Variants in GDA observed in about 807,000 individuals in gnomAD.
GDA encodes cytoplasmic PSD-95 interactor.
GDA carries 18 observed loss-of-function variants against 59.6 expected under a neutral mutation model. The ratio of observed to expected loss-of-function variants is 0.30; its 90% CI spans 0.21 to 0.45. The LOEUF is 0.45. GDA is among the 20% of genes least tolerant of loss of function. The probability of loss-of-function intolerance (pLI) is 1.00; values close to 1 mark genes in which losing one functional copy is unlikely to be tolerated. For missense variants in GDA, 427 were observed against 552.3 expected, an observed-to-expected ratio of 0.77 and a Z score of 2.27; for synonymous variants, 201 against 201.1, an observed-to-expected ratio of 1.00 and a Z score of 0.00.
rs1313640644 is a variant in GDA at position 72,248,648 on chromosome 9, G to A, written c.*306G>A. On this transcript the variant is annotated 3_prime_UTR_variant, in exon 14 of 14. Transcript: ENST00000358399. ...GTTCCTACGGTAAGACTTAAGCAAA[G>A]CCTTTTTCATATTTGAAAATGTGGA... 2.8e-6 allele frequency: 3 copies of A among 1,076,440 alleles called. No homozygotes were observed. In the African/African-American group the frequency reaches 5.0e-5, roughly 18 times the overall value. 66.7% of individuals were successfully genotyped at this position (1,076,440 alleles called of 1,614,324 possible). A position where few individuals can be genotyped will look rare whatever the true frequency, so the allele number is the denominator to read the frequency against.
At chr9:72,168,209 C>A (rs889437180) in intron 1 of GDA, among the ~76,000 whole-genome samples, 1 of 151,932 alleles carries the variant, frequency 6.6e-6, no homozygotes, top group South Asian at 2.1e-4. Flanking sequence ...CCAGCCTGGG[C>A]AACACAGGGA....
At chr9:72,157,153 C>T (rs1828007295) in intron 1 of GDA, among the ~76,000 whole-genome samples, 1 of 150,374 alleles carries the variant, frequency 6.7e-6, no homozygotes, top group Non-Finnish European at 1.5e-5. Flanking sequence ...GATTCTCCTG[C>T]CTCAGCCTCC....
chr9:72,141,314 A>G (rs1423268753), intron 1 of GDA, among the ~76,000 whole-genome samples: 1 of 152,176 alleles, frequency 6.6e-6, no homozygotes, highest in Non-Finnish European at 1.5e-5. Context: ...TGTTACATAA[A>G]TGGTAAATTT....
downstream of GDA, chr9:72,257,931 CGA>C (rs2131912881): frequency 7.9e-6 from 1 of 127,262 alleles, no homozygotes; most frequent in East Asian, 2.2e-4. Context: ...GACCTAGTCT[CGA>C]AAAAAAAAAA....
At chr9:72,122,075 G>A (rs1238587270) in intron 1 of GDA, among the ~76,000 whole-genome samples, 2 of 152,142 alleles carry the variant, frequency 1.3e-5, no homozygotes, top group African/African-American at 4.8e-5. Context: ...CTGATTACAA[G>A]TACTGTCCTG....
chr9:72,254,472 CAG>C (rs904798429), downstream of GDA, among the ~76,000 whole-genome samples: 84 of 151,864 alleles, frequency 5.5e-4, no homozygotes, highest in African/African-American at 1.9e-3. Context: ...AAAAACAAAA[CAG>C]ATCACACAGA....
chr9:72,224,276 G>A (rs1318618141), intron 7 of GDA, among the ~76,000 whole-genome samples: 3 of 152,112 alleles, frequency 2.0e-5, no homozygotes, highest in Non-Finnish European at 4.4e-5. Context: ...CAAATGACTC[G>A]AATCATCAGA....
chr9:72,125,315 CTTTA>C (rs1825806637), intron 1 of GDA, among the ~76,000 whole-genome samples: 1 of 147,986 alleles, frequency 6.8e-6, no homozygotes, highest in Non-Finnish European at 1.5e-5. Flanking sequence ...TCCTTCCTTC[CTTTA>C]CTCCCTCCCT....
Position 72,249,775 on chromosome 9 carries a change from T to A in GDA, c.*1433T>A. 1 of 858,590 alleles carries A rather than the reference T, an allele frequency of 1.2e-6. No homozygotes were observed. Among genetic ancestry groups the A allele is most frequent in the African/African-American group, 1.8e-5 (1 of 54,816 alleles). The allele number at this position is 858,590 out of a possible 1,614,324, so 53.2% of individuals were successfully genotyped here. On this transcript the variant is annotated 3_prime_UTR_variant, in exon 14 of 14. Coordinates refer to ENST00000358399, the MANE Select transcript of GDA (RefSeq NM_004293.5). ...CTCATTCCTAGAGCTTAGGGGTGAC[T>A]CTTTAATATTACCTTATAGTAGAAA...
At chr9:72,148,290 T>G (rs1826767139), upstream of GDA, among the ~76,000 whole-genome samples, 1 of 147,978 alleles carries the variant, frequency 6.8e-6, no homozygotes, top group Non-Finnish European at 1.5e-5. Flanking sequence ...CCTGTGGTGC[T>G]TCTGTTATTG....
chr9:72,175,100 A>G (rs541600155), intron 1 of GDA, among the ~76,000 whole-genome samples: 42 of 152,154 alleles, frequency 2.8e-4, no homozygotes, highest in Non-Finnish European at 4.9e-4. Flanking sequence ...CCAGGACCCT[A>G]TAGGACATAT....
At chr9:72,136,936 T>C (rs1168398710) in intron 1 of GDA, among the ~76,000 whole-genome samples, 2 of 152,126 alleles carry the variant, frequency 1.3e-5, no homozygotes, top group East Asian at 3.9e-4. Flanking sequence ...GATTGCGCCA[T>C]TGCACTCCAG....
intron 1 of GDA, among the ~76,000 whole-genome samples, chr9:72,132,939 T>A (rs1019824555): frequency 3.3e-5 from 5 of 152,158 alleles, no homozygotes; most frequent in African/African-American, 1.2e-4. Context: ...GGCAGTTGGG[T>A]ATCCCCTGTG....
intron 2 of GDA, among the ~76,000 whole-genome samples, chr9:72,198,860 TAA>T (rs199841191): frequency 6.6e-6 from 1 of 150,468 alleles, no homozygotes; most frequent in Non-Finnish European, 1.5e-5. Flanking sequence ...TATATATATA[TAA>T]AATTTTTTTT....
chr9:72,231,297 C>T, intron 10 of GDA, 116 bp downstream of exon 10: 1 of 653,872 alleles, frequency 1.5e-6, no homozygotes, highest in Non-Finnish European at 2.8e-6. Context: ...TAGTTTTGGG[C>T]CGGGCACGGT....
intron 1 of GDA, among the ~76,000 whole-genome samples, chr9:72,176,336 A>T (rs543636856): frequency 6.6e-6 from 1 of 152,338 alleles, no homozygotes; most frequent in South Asian, 2.1e-4. Flanking sequence ...TTTATGAGCG[A>T]GTCTTAAAAG....
chr9:72,165,959 C>T (rs969151375), intron 1 of GDA, among the ~76,000 whole-genome samples: 7 of 151,980 alleles, frequency 4.6e-5, no homozygotes, highest in African/African-American at 1.5e-4. Flanking sequence ...AAGATTTCCC[C>T]CTTCCCCAAG....
In GDA at chr9:72,220,686, G is replaced by T. The variant is rs115244749; in HGVS notation, c.606+1180G>T. On this transcript the variant is annotated intron_variant, in intron 6 of 13. Transcript: ENST00000358399. Reference sequence around the variant, plus strand: ...GGGCTTGATGGGCGTGGGCTGACTGGTGGCACCTGGAAGTTGGGGACTGCT... The same window carrying T: ...GGGCTTGATGGGCGTGGGCTGACTGTTGGCACCTGGAAGTTGGGGACTGCT... 9.9e-5 allele frequency among the ~76,000 whole-genome samples: 15 copies of T among 152,172 alleles called. No homozygotes were observed. In the South Asian group the frequency reaches 1.2e-3, roughly 13 times the overall value.
chr9:72,114,962 A>ATATCAC (rs1159265990), intron 1 of GDA: 1 of 152,132 alleles, frequency 6.6e-6, no homozygotes, highest in Non-Finnish European at 1.5e-5. Flanking sequence ...GTACAGAGGT[A>ATATCAC]AGTTTATTTT....
Sources: gnomAD v4.1 joint callset for allele counts (sites outside exome capture counted in the v4.1 genomes callset) on GRCh38, gnomAD v4.1.1 for gene constraint, MANE v1.5 for transcripts, NCBI Gene and HGNC (gene_info 2026-07-23, HGNC 2026-07-21) for gene names.